DGKI: variants seen among roughly 807,000 people sequenced by gnomAD.
DGKI encodes diacylglycerol kinase iota.
DGKI carries 55 observed loss-of-function variants against 147.5 expected under a neutral mutation model. The ratio of observed to expected loss-of-function variants is 0.37; its 90% CI spans 0.30 to 0.47. The LOEUF is 0.47. Among genes scored for constraint, DGKI ranks in the 20% least tolerant of loss-of-function variants. DGKI has a pLI of 1.00. For missense variants in DGKI, 1,007 were observed against 1,323.8 expected (o/e 0.76, Z 3.71); for synonymous variants, 469 against 477.1 (o/e 0.98, Z 0.22).
intron 28 of DGKI, among the ~76,000 whole-genome samples, chr7:137,437,046 TCTTA>T: frequency 6.6e-6 from 1 of 152,298 alleles, no homozygotes; most frequent in South Asian, 2.1e-4. Context: ...GCAGTGAACT[TCTTA>T]CTTAATTGTG....
In DGKI at chr7:137,713,453, A is replaced by G. The variant is rs184553119; in HGVS notation, c.402-23451T>C. 5.4e-4 allele frequency among the ~76,000 whole-genome samples: 82 copies of G among 152,358 alleles called. 1 individual carries two copies. The highest frequency in any genetic ancestry group is 4.4e-3 in the Admixed American group (67 of 15,310). On this transcript the variant is annotated intron_variant, in intron 1 of 32. Transcript: ENST00000614521. ...TATGGAATTTTCCAAAGCTATCACT[A>G]TAATAACCCCATCCAATAAATGAAA... is the stretch of plus-strand genomic sequence containing the variant.
chr7:137,750,071 C>T (rs1209700887), intron 1 of DGKI, among the ~76,000 whole-genome samples: 1 of 152,130 alleles, frequency 6.6e-6, no homozygotes, highest in African/African-American at 2.4e-5. Context: ...CAGTAAGAGG[C>T]AACTGGACAA....
chr7:137,479,903 A>T (rs560826911), intron 23 of DGKI, among the ~76,000 whole-genome samples: 1 of 152,226 alleles, frequency 6.6e-6, no homozygotes, highest in South Asian at 2.1e-4. Flanking sequence ...GTCTAACTAC[A>T]GCCCCAAATA....
In DGKI at chr7:137,382,666, T is replaced by A. The variant is rs1811087342; in HGVS notation, c.*8554A>T. 6.6e-6 allele frequency: 1 copy of A among 152,112 alleles called. No homozygotes were observed. Among genetic ancestry groups the A allele is most frequent in the South Asian group, 2.1e-4 (1 of 4,836 alleles). 9.4% of individuals were successfully genotyped at this position (152,112 alleles called of 1,614,324 possible). On this transcript the variant is annotated 3_prime_UTR_variant, in exon 33 of 33. Coordinates refer to ENST00000614521, the MANE Select transcript of DGKI (RefSeq NM_001321708.2). ...AGATTACCATGAGAATTTGTGTTAC[T>A]ACTAGGGTCTTCTTATTGTACTACT...
chr7:137,694,632 A>C (rs947307840), intron 1 of DGKI, among the ~76,000 whole-genome samples: 5 of 152,208 alleles, frequency 3.3e-5, no homozygotes, highest in African/African-American at 1.2e-4. Flanking sequence ...GTTGTTCTAG[A>C]AAAGGAACCA....
At chr7:137,605,903 G>T (rs1411273358) in intron 10 of DGKI, among the ~76,000 whole-genome samples, 1 of 152,104 alleles carries the variant, frequency 6.6e-6, no homozygotes, top group Non-Finnish European at 1.5e-5. Context: ...TTGCACAGTG[G>T]GGTGACTATA....
At chr7:137,603,599 G>A (rs1265189852) in intron 10 of DGKI, among the ~76,000 whole-genome samples, 1 of 152,176 alleles carries the variant, frequency 6.6e-6, no homozygotes, top group African/African-American at 2.4e-5. Context: ...CACCAAAGAT[G>A]GGAACTTCTC....
At chr7:137,590,898 G>A (rs1027749224) in intron 12 of DGKI, among the ~76,000 whole-genome samples, 12 of 152,282 alleles carry the variant, frequency 7.9e-5, no homozygotes, top group African/African-American at 2.4e-4. Context: ...GGCTTTTGCC[G>A]TATTGCCCAG....
rs1225228239 is a variant in DGKI, at chr7:137,466,917, T to A, written c.2469A>T (p.Arg823=). ...AAAAACTTACCTGAGATCTGTCTAT[T>A]CGATAAAAGCGATCAGCAGAAGTTG... ...LDATSADRFY[R]IDRSQEHLHF... is the part of the protein sequence containing the mutation. Residue 823 remains arginine (R), a synonymous_variant, in exon 25 of 33, where the codon CGA becomes CGT. Coordinates refer to ENST00000614521, the MANE Select transcript of DGKI (RefSeq NM_001321708.2). 2 of 1,614,050 alleles carry A rather than the reference T, an allele frequency of 1.2e-6. No homozygotes were observed. The highest frequency in any genetic ancestry group is 1.7e-6 in the Non-Finnish European group (2 of 1,180,024).
At chr7:137,437,306 T>C (rs879417498) in intron 28 of DGKI, among the ~76,000 whole-genome samples, 5 of 152,194 alleles carry the variant, frequency 3.3e-5, no homozygotes, top group Non-Finnish European at 7.4e-5. Context: ...AGCAGGAATA[T>C]TGATAAAGAA....
chr7:137,623,502 C>G lies in DGKI; in HGVS notation c.857G>C (p.Cys286Ser). 1.2e-6 allele frequency: 2 copies of G among 1,614,076 alleles called. No individual in the cohort carries two copies. The highest frequency in any genetic ancestry group is 1.7e-6 in the Non-Finnish European group (2 of 1,179,922). The change falls in exon 7 of 33, where the codon TGT becomes TCT. Residue 286 changes from cysteine (C) to serine (S), a missense_variant. By Grantham distance (112) the Cys-to-Ser change is moderately radical. This residue lies in a region of DGKI where 259 missense variants were observed against 362.5 expected (regional missense o/e 0.71). Transcript: ENST00000614521. ...TCTTACCGCCTGCTTGCACCAGGAA[C>G]AGCTGATAGCCACAATCTCTTTACT... ...FHSKEIVAIS[C>S]SWCKQAFHNK...
Position 137,717,863 on chromosome 7 carries a change from G to A in DGKI, c.402-27861C>T, listed in dbSNP as rs6967718. Among the ~76,000 whole-genome samples, 995 of 152,184 alleles carry A rather than the reference G, an allele frequency of 6.5e-3. 15 individuals are homozygous for A. Among genetic ancestry groups the A allele is most frequent in the African/African-American group, 0.023 (954 of 41,506 alleles). ...AGAAAAACATCTCAGCACATGAATC[G>A]CACTGTTTCCACATACACAGCCTCT... On this transcript the variant is annotated intron_variant, in intron 1 of 32. Coordinates refer to ENST00000614521, the MANE Select transcript of DGKI (RefSeq NM_001321708.2).
At chr7:137,610,972 A>T (rs1189179351) in intron 8 of DGKI, among the ~76,000 whole-genome samples, 2 of 152,192 alleles carry the variant, frequency 1.3e-5, no homozygotes, top group East Asian at 3.9e-4. Flanking sequence ...AGGAAAAGAG[A>T]GATCGAGGAG....
At chr7:137,819,511 C>T (rs1797834840) in intron 1 of DGKI, among the ~76,000 whole-genome samples, 1 of 151,874 alleles carries the variant, frequency 6.6e-6, no homozygotes, top group South Asian at 2.1e-4. Flanking sequence ...GGGGTTTCAC[C>T]GTGTTAGCCA....
intron 3 of DGKI, among the ~76,000 whole-genome samples, chr7:137,662,656 G>A (rs1343514131): frequency 1.3e-5 from 2 of 152,062 alleles, no homozygotes; most frequent in Non-Finnish European, 2.9e-5. Context: ...TCTGTGACCC[G>A]AGTGGAAACT....
In DGKI at chr7:137,587,218, C is replaced by A; in HGVS notation, c.1312-8G>T. On this transcript the variant is annotated splice_region_variant and splice_polypyrimidine_tract_variant and intron_variant, in intron 12 of 32. Transcript: ENST00000614521. ...GGAAAGGATCCAGCCCACCTACAGG[C>A]GTATCGGGGGCCAGAAGAGATATAA... The A allele has an allele frequency of 1.3e-6, 2 of 1,599,134 alleles. No individual in the cohort carries two copies. The highest frequency in any genetic ancestry group is 1.7e-6 in the Non-Finnish European group (2 of 1,174,130).
chr7:137,751,402 T>C, intron 1 of DGKI, among the ~76,000 whole-genome samples: 2 of 152,336 alleles, frequency 1.3e-5, no homozygotes, highest in South Asian at 4.2e-4. Context: ...ATTCACCGAG[T>C]ACCTCTCATA....
At chr7:137,715,625 C>T (rs1390884218) in intron 1 of DGKI, among the ~76,000 whole-genome samples, 1 of 152,144 alleles carries the variant, frequency 6.6e-6, no homozygotes, top group Non-Finnish European at 1.5e-5. Flanking sequence ...ATGGCATATG[C>T]CTAAAAGAAT....
intron 1 of DGKI, among the ~76,000 whole-genome samples, chr7:137,819,207 C>G (rs573589854): frequency 6.6e-6 from 1 of 152,264 alleles, no homozygotes; most frequent in South Asian, 2.1e-4. Flanking sequence ...ATTTAAACAC[C>G]TACTCACAGA....
Sources: gnomAD v4.1 joint callset for allele counts (sites outside exome capture counted in the v4.1 genomes callset) on GRCh38, gnomAD v4.1.1 for gene constraint, gnomAD v4.1.1 regional missense constraint, MANE v1.5 for transcripts, NCBI Gene and HGNC (gene_info 2026-07-23, HGNC 2026-07-21) for gene names.